APOLD1: variants seen among roughly 807,000 people sequenced by gnomAD.
APOLD1 encodes apolipoprotein L domain-containing protein 1.
A neutral mutation model predicts 15.3 loss-of-function variants in APOLD1; 22 were observed. The ratio of observed to expected loss-of-function variants is 1.44; its 90% CI spans 1.03 to 2.05. The LOEUF is 2.05. Ranked by LOEUF, APOLD1 falls within the 30% of genes most tolerant of loss-of-function variation. The pLI is 0.00. For synonymous variants in APOLD1, 190 were observed against 167.4 expected, an observed-to-expected ratio of 1.13 and a Z score of -1.04; for missense variants, 394 against 353.5, an observed-to-expected ratio of 1.11 and a Z score of -0.92.
At chr12:12,777,997 C>A (rs371608775) in intron 1 of APOLD1, among the ~76,000 whole-genome samples, 80 of 147,812 alleles carry the variant, frequency 5.4e-4, no homozygotes, top group Non-Finnish European at 8.6e-4. Context: ...AGTCTCGGCT[C>A]ACTGCAACCT....
chr12:12,786,890 C>G lies in APOLD1; in HGVS notation c.4-19C>G. The G allele has an allele frequency of 7.1e-7, 1 of 1,410,358 alleles. No homozygotes were observed. Among genetic ancestry groups the G allele is most frequent in the Non-Finnish European group, 9.1e-7 (1 of 1,093,670 alleles). 87.4% of individuals were successfully genotyped at this position (1,410,358 alleles called of 1,614,324 possible). A position where few individuals can be genotyped will look rare whatever the true frequency, so the allele number is the denominator to read the frequency against. On this transcript the variant is annotated intron_variant, in intron 1 of 1. Transcript: ENST00000356591. Reference sequence around the variant, plus strand: ...TGGCACGGAGACTCCAGGCTGACCGCGTGTCTATGTCCCCGCAGGGAATGG... The same window carrying G: ...TGGCACGGAGACTCCAGGCTGACCGGGTGTCTATGTCCCCGCAGGGAATGG...
intron 1 of APOLD1, among the ~76,000 whole-genome samples, chr12:12,728,238 A>G (rs1353477964): frequency 6.6e-6 from 1 of 152,026 alleles, no homozygotes; most frequent in Non-Finnish European, 1.5e-5. Context: ...AAGTGGTGGG[A>G]TTACAGGTGT....
At chr12:12,770,567 G>GAAAAAAAAAAAAAAAAAAAA (rs36112693) in intron 1 of APOLD1, among the ~76,000 whole-genome samples, 1 of 119,272 alleles carries the variant, frequency 8.4e-6, no homozygotes, top group Non-Finnish European at 1.8e-5. Flanking sequence ...AAAAAAGACT[G>GAAAAAAAAAAAAAAAAAAAA]AAAAAAAAAA....
chr12:12,767,654 TCAAAA>T (rs1461361432), intron 1 of APOLD1, among the ~76,000 whole-genome samples: 4 of 152,108 alleles, frequency 2.6e-5, no homozygotes, highest in Admixed American at 1.3e-4. Context: ...AGACTATGTC[TCAAAA>T]CAAAACAAAA....
intron 1 of APOLD1, chr12:12,771,637 T>G: frequency 2.0e-6 from 1 of 501,998 alleles, no homozygotes; most frequent in Non-Finnish European, 3.9e-6. Context: ...TGCTTGCTAT[T>G]GTCAGAGTTC....
chr12:12,786,549 C>T, intron 1 of APOLD1: 1 of 542,978 alleles, frequency 1.8e-6, no homozygotes, highest in Non-Finnish European at 2.3e-6. Context: ...TTAAGTAGAG[C>T]AAAGGCCTCA....
At chr12:12,777,466 A>T (rs951175315) in intron 1 of APOLD1, among the ~76,000 whole-genome samples, 1 of 152,188 alleles carries the variant, frequency 6.6e-6, no homozygotes, top group Non-Finnish European at 1.5e-5. Context: ...TCATAGCAAT[A>T]ATTCGCTTAT....
At chr12:12,765,350 G>C (rs1946935946) in intron 1 of APOLD1, among the ~76,000 whole-genome samples, 1 of 151,926 alleles carries the variant, frequency 6.6e-6, no homozygotes, top group African/African-American at 2.4e-5. Context: ...ACCACACCCG[G>C]CTCAATATAT....
Position 12,745,181 on chromosome 12 carries a change from A to G in APOLD1, c.96+19085A>G, listed in dbSNP as rs149145251. Among the ~76,000 whole-genome samples the G allele has an allele frequency of 9.0e-3, 1,368 of 152,332 alleles. 18 individuals carry two copies. The highest frequency in any genetic ancestry group is 0.037 in the South Asian group (177 of 4,828). On this transcript the variant is annotated intron_variant, in intron 1 of 1. Transcript: ENST00000326765. Reference sequence around the variant, plus strand: ...GGCTGTGAGGAGAATTAAAAGGCAGAGAGAAGACCAAATTGCTCTACCCAA... The same window carrying G: ...GGCTGTGAGGAGAATTAAAAGGCAGGGAGAAGACCAAATTGCTCTACCCAA...
intron 1 of APOLD1, among the ~76,000 whole-genome samples, chr12:12,737,032 A>C (rs996333520): frequency 2.0e-5 from 3 of 152,224 alleles, no homozygotes. Flanking sequence ...GATTGGCGTG[A>C]ATCTTCTAAG....
intron 1 of APOLD1, among the ~76,000 whole-genome samples, chr12:12,743,115 G>A (rs1016396832): frequency 3.9e-5 from 6 of 152,242 alleles, no homozygotes; most frequent in Non-Finnish European, 7.3e-5. Flanking sequence ...TATATCATTT[G>A]CCTGAAAGGG....
At chr12:12,771,360 G>A (rs1038604025) in intron 1 of APOLD1, 28 of 283,070 alleles carry the variant, frequency 9.9e-5, no homozygotes, top group African/African-American at 5.5e-4. Flanking sequence ...TCAGTTTGTT[G>A]GCCAGACTGC....
At chr12:12,757,379 G>T (rs997945993) in intron 1 of APOLD1, among the ~76,000 whole-genome samples, 3 of 152,110 alleles carry the variant, frequency 2.0e-5, no homozygotes, top group African/African-American at 7.2e-5. Context: ...AGCTAACCCC[G>T]CATGACAGCT....
rs562555912 is a variant in APOLD1, at chr12:12,766,006, A to G, written c.97-20903A>G. 1.3e-4 allele frequency among the ~76,000 whole-genome samples: 20 copies of G among 152,346 alleles called. No individual in the cohort carries two copies. In the South Asian group the frequency reaches 3.1e-3, roughly 24 times the overall value. ...AAGGAATAAAAGGGGAGTTGAAAAA[A>G]TAGGAATATATGAATGGCTCATAAA... On this transcript the variant is annotated intron_variant, in intron 1 of 1. Coordinates refer to the APOLD1 transcript ENST00000326765.
At chr12:12,775,658 C>A (rs1035733088) in intron 1 of APOLD1, among the ~76,000 whole-genome samples, 4 of 152,056 alleles carry the variant, frequency 2.6e-5, no homozygotes, top group Non-Finnish European at 5.9e-5. Flanking sequence ...CATTTTCTTA[C>A]CTAATTCAAG....
At chr12:12,743,392 T>C (rs1409343590) in intron 1 of APOLD1, among the ~76,000 whole-genome samples, 2 of 151,412 alleles carry the variant, frequency 1.3e-5, no homozygotes, top group African/African-American at 4.9e-5. Context: ...GTGTGATTAA[T>C]GTTAAGCACC....
chr12:12,767,660 CAAAACA>C (rs749381948), intron 1 of APOLD1, among the ~76,000 whole-genome samples: 7 of 151,916 alleles, frequency 4.6e-5, no homozygotes, highest in Admixed American at 1.3e-4. Flanking sequence ...TGTCTCAAAA[CAAAACA>C]AAAACAAAAA....
chr12:12,747,776 A>T (rs1434888523), intron 1 of APOLD1, among the ~76,000 whole-genome samples: 1 of 152,242 alleles, frequency 6.6e-6, no homozygotes, highest in Non-Finnish European at 1.5e-5. Context: ...AATGTAAGAA[A>T]AAAGGAAGGA....
intron 1 of APOLD1, among the ~76,000 whole-genome samples, chr12:12,732,333 C>T (rs1273149463): frequency 2.0e-5 from 3 of 152,106 alleles, no homozygotes; most frequent in South Asian, 2.1e-4. Context: ...AGCTGGGCGC[C>T]GTGATTGTTA....
Sources: allele counts gnomAD v4.1 joint callset (sites outside exome capture counted in the v4.1 genomes callset), GRCh38; gene constraint gnomAD v4.1.1; transcripts MANE v1.5; gene names NCBI Gene and HGNC (gene_info 2026-07-23, HGNC 2026-07-21).